SORCS2: variants seen among roughly 807,000 people sequenced by gnomAD.
SORCS2 encodes VPS10 domain-containing receptor SorCS2.
A neutral mutation model predicts 141.6 loss-of-function variants in SORCS2; 100 were observed. That is an observed-to-expected ratio of 0.71 (90% CI 0.60 to 0.83). The LOEUF is 0.83. Among genes scored for constraint, SORCS2 ranks in the 40% least tolerant of loss-of-function variants. The pLI is 0.00. For missense variants in SORCS2, 1,646 were observed against 1,560.2 expected, an observed-to-expected ratio of 1.05 and a Z score of -0.93; for synonymous variants, 789 against 676.9, an observed-to-expected ratio of 1.17 and a Z score of -2.57.
intron 1 of SORCS2, among the ~76,000 whole-genome samples, chr4:7,340,783 G>A (rs926998671): frequency 3.3e-5 from 5 of 152,126 alleles, no homozygotes; most frequent in Admixed American, 2.6e-4. Context: ...ATTTAGTGAC[G>A]CCCCCTATTC....
At chr4:7,427,645 G>C (rs1726540409) in intron 2 of SORCS2, among the ~76,000 whole-genome samples, 1 of 151,160 alleles carries the variant, frequency 6.6e-6, no homozygotes, top group African/African-American at 2.4e-5. Flanking sequence ...GTGGGGTGCT[G>C]GGATCTGCTT....
chr4:7,734,122 G>A (rs1018741543), intron 24 of SORCS2, 150 bp from the exon 25 acceptor site: 5 of 595,868 alleles, frequency 8.4e-6, no homozygotes, highest in Non-Finnish European at 1.5e-5. Flanking sequence ...CTGAAGACAG[G>A]CAGGAAATGG....
At chr4:7,594,428 C>G (rs531971525) in intron 3 of SORCS2, among the ~76,000 whole-genome samples, 1 of 152,226 alleles carries the variant, frequency 6.6e-6, no homozygotes, top group Non-Finnish European at 1.5e-5. Context: ...AGCTGCTGCC[C>G]GAGGAAGGGT....
At chr4:7,583,360 C>T (rs1050698970) in intron 3 of SORCS2, among the ~76,000 whole-genome samples, 1 of 152,122 alleles carries the variant, frequency 6.6e-6, no homozygotes, top group South Asian at 2.1e-4. Context: ...CCCCTACACT[C>T]CTGCTAGAAA....
intron 12 of SORCS2, among the ~76,000 whole-genome samples, chr4:7,699,980 C>T (rs1234824557): frequency 6.6e-6 from 1 of 152,174 alleles, no homozygotes; most frequent in Non-Finnish European, 1.5e-5. Context: ...CTTGTGACTC[C>T]CCAATCAAGC....
At chr4:7,622,934 C>T (rs1719297776) in intron 3 of SORCS2, among the ~76,000 whole-genome samples, 1 of 152,158 alleles carries the variant, frequency 6.6e-6, no homozygotes, top group African/African-American at 2.4e-5. Flanking sequence ...GATGCGTCTG[C>T]TCTGGGGTCC....
chr4:7,484,377 T>C lies in SORCS2; in HGVS notation c.549-47153T>C, dbSNP rs144097564. 3.1e-3 allele frequency among the ~76,000 whole-genome samples: 477 copies of C among 152,292 alleles called. 5 individuals carry two copies. The highest frequency in any genetic ancestry group is 0.011 in the African/African-American group (447 of 41,558). Reference sequence around the variant, plus strand: ...CAAAGTAACCTGCGTGGTATCAAGTTTATCTTCCTCCTATTTTATGAATTC... The same window carrying C: ...CAAAGTAACCTGCGTGGTATCAAGTCTATCTTCCTCCTATTTTATGAATTC... On this transcript the variant is annotated intron_variant, in intron 2 of 26. Transcript: ENST00000507866.
intron 1 of SORCS2, among the ~76,000 whole-genome samples, chr4:7,256,656 G>A (rs1211153683): frequency 1.3e-5 from 2 of 151,532 alleles, no homozygotes; most frequent in African/African-American, 2.4e-5. Context: ...TCTCGGATGC[G>A]AACGTAATGT....
At chr4:7,530,964 C>T (rs189200718) in intron 2 of SORCS2, among the ~76,000 whole-genome samples, 4 of 152,266 alleles carry the variant, frequency 2.6e-5, no homozygotes, top group South Asian at 2.1e-4. Flanking sequence ...TACCTGCCTG[C>T]GGTCTCCTAC....
At chr4:7,723,601 G>A (rs980854897) in intron 18 of SORCS2, 96 bp from the exon 19 acceptor site, 25 of 1,373,068 alleles carry the variant, frequency 1.8e-5, no homozygotes, top group East Asian at 6.9e-5. Flanking sequence ...GGGCGGCAAT[G>A]AATGAATGAG....
At chr4:7,433,070 G>C (rs968760350) in intron 2 of SORCS2, 8 of 354,134 alleles carry the variant, frequency 2.3e-5, no homozygotes, top group Middle Eastern at 7.3e-4. Flanking sequence ...GCCTTGGCTG[G>C]GTCAGGGAGC....
chr4:7,671,220 AT>A (rs1345588648), intron 8 of SORCS2, among the ~76,000 whole-genome samples: 20 of 152,340 alleles, frequency 1.3e-4, no homozygotes, highest in African/African-American at 4.6e-4. Context: ...GGACAAGCTA[AT>A]TTCCAGAGTT....
chr4:7,526,799 TA>T (rs1733724881), intron 2 of SORCS2, among the ~76,000 whole-genome samples: 1 of 152,234 alleles, frequency 6.6e-6, no homozygotes, highest in South Asian at 2.1e-4. Context: ...GCTGTGAACC[TA>T]AAACTGCTGT....
At chr4:7,397,636 C>A (rs988686403) in intron 2 of SORCS2, among the ~76,000 whole-genome samples, 5 of 152,152 alleles carry the variant, frequency 3.3e-5, no homozygotes, top group African/African-American at 1.2e-4. Flanking sequence ...CTCGTTCCTC[C>A]GGTGCTGGGC....
At chr4:7,732,609 C>G (rs571639015) in intron 23 of SORCS2, among the ~76,000 whole-genome samples, 1 of 152,162 alleles carries the variant, frequency 6.6e-6, no homozygotes, top group Non-Finnish European at 1.5e-5. Context: ...GTCTGATTCT[C>G]CTGTCCTGCC....
intron 1 of SORCS2, among the ~76,000 whole-genome samples, chr4:7,361,900 TG>T (rs879668073): frequency 3.0e-4 from 7 of 23,364 alleles, no homozygotes; most frequent in African/African-American, 1.1e-3. Flanking sequence ...TGAGAAGCGG[TG>T]GGGGGGAGGA....
At chr4:7,322,355 T>C (rs1279073364) in intron 1 of SORCS2, among the ~76,000 whole-genome samples, 4 of 152,182 alleles carry the variant, frequency 2.6e-5, no homozygotes, top group Non-Finnish European at 5.9e-5. Flanking sequence ...CTGGACACAA[T>C]GTGCTCCCTC....
chr4:7,369,049 A>G (rs1722086784), intron 1 of SORCS2, among the ~76,000 whole-genome samples: 1 of 152,124 alleles, frequency 6.6e-6, no homozygotes, highest in South Asian at 2.1e-4. Flanking sequence ...GCTCACACCT[A>G]TAATCTCAGT....
chr4:7,650,842 C>G (rs1351138644), intron 4 of SORCS2, among the ~76,000 whole-genome samples: 2 of 151,664 alleles, frequency 1.3e-5, no homozygotes, highest in African/African-American at 2.4e-5. Flanking sequence ...AGGCCTGAAT[C>G]TGCAACAAAA....
Sources: allele counts gnomAD v4.1 joint callset (sites outside exome capture counted in the v4.1 genomes callset), GRCh38; gene constraint gnomAD v4.1.1; transcripts MANE v1.5; gene names NCBI Gene and HGNC (gene_info 2026-07-23, HGNC 2026-07-21).